CAGE1: variants seen among roughly 807,000 people sequenced by gnomAD.
The protein encoded by CAGE1 is cancer antigen 1, also known as cancer-associated gene 1 protein.
A neutral mutation model predicts 94.9 loss-of-function variants in CAGE1; 66 were observed. The observed-to-expected ratio is 0.70, with a 90% CI of 0.57 to 0.85. The LOEUF is 0.85. CAGE1 is among the 40% of genes least tolerant of loss of function. The pLI is 0.00. For synonymous variants in CAGE1, 319 were observed against 321.0 expected, an observed-to-expected ratio of 0.99 and a Z score of 0.07; for missense variants, 865 against 950.4, an observed-to-expected ratio of 0.91 and a Z score of 1.18.
chr6:7,343,757 A>G (rs1310030535), intron 11 of CAGE1, among the ~76,000 whole-genome samples: 2 of 152,242 alleles, frequency 1.3e-5, no homozygotes, highest in East Asian at 3.8e-4. Flanking sequence ...ATAGAAGGTC[A>G]CCTTGAATAA....
chr6:7,387,728 T>A (rs913090391), intron 1 of CAGE1, among the ~76,000 whole-genome samples: 1 of 152,036 alleles, frequency 6.6e-6, no homozygotes, highest in African/African-American at 2.4e-5. Context: ...CCTTTAAAAA[T>A]GTCTTTCAGG....
At chr6:7,358,027 G>GAGATATATATAT (rs1314868882) in intron 9 of CAGE1, among the ~76,000 whole-genome samples, 12 of 48,082 alleles carry the variant, frequency 2.5e-4, no homozygotes, top group Non-Finnish European at 3.5e-4. Flanking sequence ...TAAGTTTTGA[G>GAGATATATATAT]ATATATATAT....
intron 11 of CAGE1, among the ~76,000 whole-genome samples, chr6:7,340,102 T>C (rs922324277): frequency 1.3e-5 from 2 of 152,206 alleles, no homozygotes; most frequent in African/African-American, 4.8e-5. Context: ...ATTTTTTGAT[T>C]ATGGTCATTC....
chr6:7,329,440 A>G (rs1338726167), intron 13 of CAGE1, among the ~76,000 whole-genome samples: 1 of 152,186 alleles, frequency 6.6e-6, no homozygotes, highest in African/African-American at 2.4e-5. Context: ...TTGATCCAGA[A>G]TGTGATTGGG....
intron 3 of CAGE1, among the ~76,000 whole-genome samples, chr6:7,381,458 C>T (rs1050655613): frequency 3.3e-5 from 5 of 152,154 alleles, no homozygotes; most frequent in African/African-American, 1.2e-4. Flanking sequence ...GTTTACACTA[C>T]CCAGTTTGTG....
At chr6:7,333,010 G>A (rs976650219) in intron 12 of CAGE1, among the ~76,000 whole-genome samples, 16 of 152,024 alleles carry the variant, frequency 1.1e-4, no homozygotes, top group African/African-American at 3.6e-4. Context: ...TAGTGCAGTG[G>A]CACGATCTCA....
intron 4 of CAGE1, among the ~76,000 whole-genome samples, chr6:7,375,679 G>A (rs1001925346): frequency 6.6e-6 from 1 of 152,090 alleles, no homozygotes. Flanking sequence ...TGATCACACT[G>A]CTCTCCAATC....
chr6:7,388,287 A>C (rs560998804), intron 1 of CAGE1, among the ~76,000 whole-genome samples: 36 of 152,140 alleles, frequency 2.4e-4, no homozygotes, highest in Non-Finnish European at 4.4e-4. Flanking sequence ...CAGACAGATA[A>C]TGTTCCTTAC....
At chr6:7,337,145 AC>A (rs1758981982) in intron 11 of CAGE1, among the ~76,000 whole-genome samples, 1 of 151,830 alleles carries the variant, frequency 6.6e-6, no homozygotes, top group African/African-American at 2.4e-5. Flanking sequence ...ACATGGTGAA[AC>A]CCCGTCTCTA....
chr6:7,345,127 CCATATTGCTTTTAGGAGCTAGGT>C (rs1759394405), intron 11 of CAGE1, among the ~76,000 whole-genome samples: 3 of 41,604 alleles, frequency 7.2e-5, no homozygotes, highest in African/African-American at 3.5e-4. Flanking sequence ...CTCTTTAGAT[CCATATTGCTTTTAGGAGCTAGGT>C]CCATATTGCT....
intron 4 of CAGE1, among the ~76,000 whole-genome samples, chr6:7,376,441 AAGTT>A (rs1403274050): frequency 7.4e-5 from 11 of 149,268 alleles, no homozygotes; most frequent in African/African-American, 9.8e-5. Flanking sequence ...AATAAAATAA[AAGTT>A]AGTTTGGCCT....
chr6:7,355,041 T>C lies in CAGE1; in HGVS notation c.2369A>G (p.His790Arg). Residue 790 changes from histidine to arginine, a missense_variant and splice_region_variant, in exon 11 of 14, where the codon CAT becomes CGT. Coordinates refer to ENST00000502583, the MANE Select transcript of CAGE1 (RefSeq NM_001170692.2). ...TTAAGGATTCGTTTTTTCAACTTAC[T>C]GTGCAATCTGGGAGTGGGATATTGC... ...RLAISHSQIA[H>R]LEERNKHLED... 6.2e-7 allele frequency: 1 copy of C among 1,601,310 alleles called. No homozygotes were observed. Among genetic ancestry groups the C allele is most frequent in the Non-Finnish European group, 8.5e-7 (1 of 1,171,066 alleles).
chr6:7,346,778 A>G (rs1185407691), intron 11 of CAGE1, among the ~76,000 whole-genome samples: 1 of 151,830 alleles, frequency 6.6e-6, no homozygotes, highest in African/African-American at 2.4e-5. Context: ...TGAGCCTGGG[A>G]GGCAGACACT....
rs70978962 is a variant in CAGE1 at position 7,387,863 on chromosome 6, CAAAAAAA to C, written c.-23-674_-23-668del. Among the ~76,000 whole-genome samples, 104 of 108,920 alleles carry C rather than the reference CAAAAAAA, an allele frequency of 9.5e-4. No individual in the cohort carries two copies. The East Asian group carries it at 0.021, about 22-fold the overall frequency. The allele number at this position is 108,920 out of a possible 152,430, so 71.5% of individuals were successfully genotyped here. ...TGAAACCCCATCTCTACTAAAAATA[CAAAAAAA>C]AAAAAAAAAAAAAATTAGCTGGGCG... On this transcript the variant is annotated intron_variant, in intron 1 of 13. Transcript: ENST00000502583.
At chr6:7,358,028 ATATATATATATATATATAT>A (rs1760025621) in intron 9 of CAGE1, among the ~76,000 whole-genome samples, 14 of 66,942 alleles carry the variant, frequency 2.1e-4, no homozygotes, top group Middle Eastern at 7.1e-3. Context: ...AAGTTTTGAG[ATATATATATATATATATAT>A]ATATATATAT....
intron 3 of CAGE1, among the ~76,000 whole-genome samples, chr6:7,381,863 CAG>C (rs1421439769): frequency 7.2e-6 from 1 of 138,824 alleles, no homozygotes; most frequent in Non-Finnish European, 1.5e-5. Context: ...TTTTTTGAGA[CAG>C]AGTCTCACTC....
chr6:7,358,377 T>C (rs1204258760), intron 9 of CAGE1, among the ~76,000 whole-genome samples: 1 of 152,124 alleles, frequency 6.6e-6, no homozygotes, highest in Non-Finnish European at 1.5e-5. Flanking sequence ...TCATCCCTTT[T>C]TTATGACTGA....
At chr6:7,330,979 C>T (rs1430599901) in intron 12 of CAGE1, among the ~76,000 whole-genome samples, 2 of 152,154 alleles carry the variant, frequency 1.3e-5, no homozygotes, top group African/African-American at 4.8e-5. Context: ...CTCAGCAACT[C>T]AGAGAAGATC....
At chr6:7,375,719 A>AAAAT (rs1478511931) in intron 4 of CAGE1, among the ~76,000 whole-genome samples, 2 of 152,202 alleles carry the variant, frequency 1.3e-5, no homozygotes, top group Non-Finnish European at 2.9e-5. Flanking sequence ...CCTTGTATCT[A>AAAAT]AAATAAATAA....
Sources: gnomAD v4.1 joint callset for allele counts (sites outside exome capture counted in the v4.1 genomes callset) on GRCh38, gnomAD v4.1.1 for gene constraint, MANE v1.5 for transcripts, NCBI Gene and HGNC (gene_info 2026-07-23, HGNC 2026-07-21) for gene names.